The following MAST4 variants were observed in gnomAD, a reference collection of about 807,000 sequenced individuals.
MAST4 encodes microtubule-associated serine/threonine-protein kinase 4.
Under a neutral mutation model 162.7 loss-of-function variants are expected in MAST4, and 89 were observed. That is an observed-to-expected ratio of 0.55 (90% CI 0.46 to 0.65). The LOEUF (loss-of-function observed/expected upper bound fraction) is 0.65, where lower values mean the gene tolerates loss of function less well. Among genes scored for constraint, MAST4 ranks in the 30% least tolerant of loss-of-function variants. The pLI, the probability that MAST4 is intolerant of heterozygous loss-of-function variation, is 0.00. For missense variants in MAST4, 3,153 were observed against 3,374.0 expected, an observed-to-expected ratio of 0.93 and a Z score of 1.62; for synonymous variants, 1,479 against 1,361.1, an observed-to-expected ratio of 1.09 and a Z score of -1.91.
chr5:67,004,773 G>A, intron 4 of MAST4: 1 of 512,652 alleles, frequency 2.0e-6, no homozygotes, highest in Non-Finnish European at 3.5e-6. Flanking sequence ...CCTTTGAGAG[G>A]AGGCTGTGTG....
At chr5:66,848,965 T>A (rs970933391) in intron 3 of MAST4, among the ~76,000 whole-genome samples, 2 of 152,204 alleles carry the variant, frequency 1.3e-5, no homozygotes, top group South Asian at 2.1e-4. Flanking sequence ...GTTATGCTCT[T>A]CCTGCATCAT....
intron 4 of MAST4, among the ~76,000 whole-genome samples, chr5:66,924,354 T>G (rs1247711500): frequency 6.6e-6 from 1 of 152,164 alleles, no homozygotes; most frequent in African/African-American, 2.4e-5. Context: ...AAAATAGAAT[T>G]TATAATATTT....
At chr5:67,112,778 T>C (rs1766400798) in intron 11 of MAST4, among the ~76,000 whole-genome samples, 1 of 152,128 alleles carries the variant, frequency 6.6e-6, no homozygotes, top group South Asian at 2.1e-4. Context: ...CTTCATTACA[T>C]AGGCATGTTT....
intron 9 of MAST4, among the ~76,000 whole-genome samples, chr5:67,103,863 A>G (rs1271270255): frequency 6.6e-6 from 1 of 152,230 alleles, no homozygotes; most frequent in Non-Finnish European, 1.5e-5. Flanking sequence ...ATCTTAAATG[A>G]AAGCGTAACA....
intron 2 of MAST4, among the ~76,000 whole-genome samples, chr5:66,764,192 C>A (rs1344719321): frequency 6.6e-6 from 1 of 152,184 alleles, no homozygotes; most frequent in East Asian, 1.9e-4. Context: ...CTGGGCCCTA[C>A]TGGGCTTGGT....
rs191910459 is a variant in MAST4 at position 66,830,198 on chromosome 5, T to C, written c.642+41404T>C. Among the ~76,000 whole-genome samples, 140 of 152,342 alleles carry C rather than the reference T, an allele frequency of 9.2e-4. 2 individuals carry two copies. In the South Asian group the frequency reaches 0.017, roughly 18 times the overall value. On this transcript the variant is annotated intron_variant, in intron 3 of 28. Coordinates refer to ENST00000403625, the MANE Select transcript of MAST4 (RefSeq NM_001164664.2). Reference sequence around the variant, plus strand: ...ATTAGTGACTGGATAGTAATTCTTCTGTGAGTTTTCTCTTTCCTTTAATTC... The same window carrying C: ...ATTAGTGACTGGATAGTAATTCTTCCGTGAGTTTTCTCTTTCCTTTAATTC...
chr5:66,835,837 C>T lies in MAST4; in HGVS notation c.642+47043C>T, dbSNP rs1580584895. Among the ~76,000 whole-genome samples the T allele has an allele frequency of 2.0e-5, 3 of 152,128 alleles. No homozygotes were observed. In the South Asian group the frequency reaches 6.2e-4, roughly 32 times the overall value. On this transcript the variant is annotated intron_variant, in intron 3 of 28. Coordinates refer to ENST00000403625, the MANE Select transcript of MAST4 (RefSeq NM_001164664.2). ...TGTGGACATGGAGATTCAGAGTCGTCAAGAAACTTAACACAAAATTGCCTT... is the reference window on the plus strand; with the variant it reads ...TGTGGACATGGAGATTCAGAGTCGTTAAGAAACTTAACACAAAATTGCCTT...
At chr5:66,952,607 A>G (rs1318020085) in intron 4 of MAST4, among the ~76,000 whole-genome samples, 1 of 152,126 alleles carries the variant, frequency 6.6e-6, no homozygotes, top group Non-Finnish European at 1.5e-5. Flanking sequence ...CATATGGTTC[A>G]TCTTTGCATC....
chr5:66,886,540 G>A (rs573358158), intron 3 of MAST4, among the ~76,000 whole-genome samples: 3 of 151,540 alleles, frequency 2.0e-5, no homozygotes, highest in Non-Finnish European at 4.4e-5. Context: ...TGTTGTTGCT[G>A]TGTGTGTGTG....
At chr5:66,678,331 T>G (rs896705950) in intron 1 of MAST4, among the ~76,000 whole-genome samples, 8 of 152,122 alleles carry the variant, frequency 5.3e-5, no homozygotes, top group African/African-American at 1.9e-4. Context: ...GAAGATCTAT[T>G]GTACCACAGT....
chr5:67,132,753 T>C (rs557578282), intron 16 of MAST4, among the ~76,000 whole-genome samples: 9 of 152,148 alleles, frequency 5.9e-5, no homozygotes, highest in Admixed American at 3.9e-4. Flanking sequence ...ACTTTAAGTA[T>C]GCTGAAAAGT....
intron 6 of MAST4, among the ~76,000 whole-genome samples, chr5:67,091,997 G>T (rs1207471956): frequency 6.6e-6 from 1 of 152,144 alleles, no homozygotes; most frequent in Non-Finnish European, 1.5e-5. Flanking sequence ...ACAGAACCCT[G>T]TGTTATGAAA....
chr5:67,126,853 A>G (rs1433288060), intron 14 of MAST4, among the ~76,000 whole-genome samples: 3 of 152,106 alleles, frequency 2.0e-5, no homozygotes, highest in Non-Finnish European at 2.9e-5. Context: ...CATTTTCACG[A>G]TATTGATTTT....
chr5:66,738,607 C>T (rs145189520), intron 1 of MAST4, among the ~76,000 whole-genome samples: 2 of 152,228 alleles, frequency 1.3e-5, no homozygotes, highest in African/African-American at 2.4e-5. Flanking sequence ...CTAGGTACGG[C>T]GGAGGAGAAT....
rs73110452 is a variant in MAST4, at chr5:66,689,862, A to G, written c.364-69847A>G. On this transcript the variant is annotated intron_variant, in intron 1 of 28. Coordinates refer to ENST00000403625, the MANE Select transcript of MAST4 (RefSeq NM_001164664.2). Reference sequence around the variant, plus strand: ...GTGCGAGAAGGTGATGCCATCTCCAATTATATTTTTTGAGTATCCTACTAA... The same window carrying G: ...GTGCGAGAAGGTGATGCCATCTCCAGTTATATTTTTTGAGTATCCTACTAA... Among the ~76,000 whole-genome samples the G allele has an allele frequency of 7.6e-3, 1,154 of 152,248 alleles. 13 individuals carry two copies. Among genetic ancestry groups the G allele is most frequent in the African/African-American group, 0.027 (1,102 of 41,548 alleles).
chr5:66,704,104 C>T (rs1308250023), intron 1 of MAST4, among the ~76,000 whole-genome samples: 1 of 152,160 alleles, frequency 6.6e-6, no homozygotes, highest in Non-Finnish European at 1.5e-5. Flanking sequence ...AAGAAACACA[C>T]TTCTTAAGTA....
intron 4 of MAST4, among the ~76,000 whole-genome samples, chr5:67,033,560 T>G (rs1393434022): frequency 6.6e-6 from 1 of 152,166 alleles, no homozygotes; most frequent in Non-Finnish European, 1.5e-5. Flanking sequence ...CAGAAGTAGC[T>G]GAGTGTTAGT....
At position 66,824,437 on chromosome 5, in the gene MAST4, C is replaced by T. The variant is rs1043191425; in HGVS notation, c.642+35643C>T. Among the ~76,000 whole-genome samples the T allele has an allele frequency of 9.9e-5, 15 of 152,206 alleles. 1 individual carries two copies. The South Asian group carries it at 1.9e-3, about 19-fold the overall frequency. On this transcript the variant is annotated intron_variant, in intron 3 of 28. Coordinates refer to ENST00000403625, the MANE Select transcript of MAST4 (RefSeq NM_001164664.2). ...ACTGCCCTCCGACTTCAGCTCCCAT[C>T]GCTTTTGGATAGGCAGTTCAGCGAG... is the stretch of plus-strand genomic sequence containing the variant.
chr5:66,825,395 G>A (rs1325343936), intron 3 of MAST4, among the ~76,000 whole-genome samples: 1 of 151,626 alleles, frequency 6.6e-6, no homozygotes, highest in Non-Finnish European at 1.5e-5. Context: ...GATCTTATGG[G>A]ACCACCATCA....
Sources: allele counts gnomAD v4.1 joint callset (sites outside exome capture counted in the v4.1 genomes callset), GRCh38; gene constraint gnomAD v4.1.1; transcripts MANE v1.5; gene names NCBI Gene and HGNC (gene_info 2026-07-23, HGNC 2026-07-21).